Variants in TMEM185B observed in about 807,000 individuals in gnomAD.
TMEM185B encodes the protein ee3_2.
TMEM185B carries 9 observed loss-of-function variants against 26.2 expected under a neutral mutation model. That is an observed-to-expected ratio of 0.34 (90% CI 0.21 to 0.60). The LOEUF (loss-of-function observed/expected upper bound fraction) is 0.60, where lower values mean the gene tolerates loss of function less well. Ranked by LOEUF, TMEM185B falls within the 20% of genes least tolerant of loss-of-function variation. TMEM185B has a pLI of 0.80. For missense variants in TMEM185B, 392 were observed against 447.9 expected (o/e 0.88, Z 1.13); for synonymous variants, 204 against 191.8 (o/e 1.06, Z -0.52).
In TMEM185B at chr2:120,217,815, C is replaced by G. The variant is rs1490163905; in HGVS notation, c.*4109G>C. On this transcript the variant is annotated 3_prime_UTR_variant, in exon 1 of 1. Coordinates refer to ENST00000426077, the MANE Select transcript of TMEM185B (RefSeq NM_024121.3). ...CGACTTTAACCCATACATTCTAGAACAGAGAGAGCCATGACCAAACCAGAG... is the reference window on the plus strand; with the variant it reads ...CGACTTTAACCCATACATTCTAGAAGAGAGAGAGCCATGACCAAACCAGAG... Among the ~76,000 whole-genome samples, 1 of 152,222 alleles carries G rather than the reference C, an allele frequency of 6.6e-6. No individual in the cohort carries two copies.
Position 120,221,955 on chromosome 2 carries a change from G to T in TMEM185B, c.1022C>A (p.Pro341His), listed in dbSNP as rs1458965884. Residue 341 changes from proline (P) to histidine (H), a missense_variant, in exon 1 of 1, where the codon CCT (proline) becomes CAT (histidine). Around this residue, in one of 3 missense-constraint regions of TMEM185B, gnomAD observed 176 missense variants for 201.6 expected, o/e 0.87. Transcript: ENST00000426077. ...TQSPGKYVPP[P>H]PKLNIDMPD The stretch of plus-strand genomic sequence containing the variant: ...TGGCATATCAATATTTAACTTGGGA[G>T]GGGGGGGAACGTATTTCCCAGGGCT... 91 of 1,531,318 alleles carry T rather than the reference G, an allele frequency of 5.9e-5. No individual in the cohort carries two copies. Among genetic ancestry groups the T allele is most frequent in the Non-Finnish European group, 7.9e-5 (90 of 1,144,704 alleles). The allele number at this position is 1,531,318 out of a possible 1,614,324, so 94.9% of individuals were successfully genotyped here.
rs1688529692 is a variant in TMEM185B at position 120,218,019 on chromosome 2, T to C, written c.*3905A>G. Among the ~76,000 whole-genome samples, 2 of 152,196 alleles carry C rather than the reference T, an allele frequency of 1.3e-5. No individual in the cohort carries two copies. Among genetic ancestry groups the C allele is most frequent in the Non-Finnish European group, 2.9e-5 (2 of 68,036 alleles). ...TTTCTGAGGTGCGCGCATGGGAAGA[T>C]GGGGGTGCATCAGATAGCCAAGGAA... is the stretch of plus-strand genomic sequence containing the variant. On this transcript the variant is annotated 3_prime_UTR_variant, in exon 1 of 1. Transcript: ENST00000426077.
rs1463859263 is a variant in TMEM185B at position 120,219,233 on chromosome 2, A to C, written c.*2691T>G. Among the ~76,000 whole-genome samples the C allele has an allele frequency of 6.6e-6, 1 of 152,178 alleles. No individual in the cohort carries two copies. Among genetic ancestry groups the C allele is most frequent in the African/African-American group, 2.4e-5 (1 of 41,440 alleles). ...CAAAAGCTGACTGATACATCACAGG[A>C]GAAATAGTTACAGAATCTGACACAT... On this transcript the variant is annotated 3_prime_UTR_variant, in exon 1 of 1. Transcript: ENST00000426077.
In TMEM185B at chr2:120,222,129, A is replaced by G; in HGVS notation, c.848T>C (p.Leu283Pro). ...GIRRDFCQFL[L>P]EIFPFLREYG... ...TTCTCTTAAAAATGGGAAAATTTCA[A>G]GCAGAAACTGACAGAAGTCTCTGCG... is the stretch of plus-strand genomic sequence containing the variant. Residue 283 changes from leucine to proline, a missense_variant, in exon 1 of 1, where the codon CTT becomes CCT. Leu to Pro is a moderately conservative substitution (Grantham distance 98). Transcript: ENST00000426077. 1 of 1,564,204 alleles carries G rather than the reference A, an allele frequency of 6.4e-7. No individual in the cohort carries two copies. Among genetic ancestry groups the G allele is most frequent in the Non-Finnish European group, 8.7e-7 (1 of 1,155,234 alleles).
At position 120,223,192 on chromosome 2, in the gene TMEM185B, G is replaced by C. The variant is rs1284767598; in HGVS notation, c.-216C>G. 2 of 353,414 alleles carry C rather than the reference G, an allele frequency of 5.7e-6. No individual in the cohort carries two copies. Among genetic ancestry groups the C allele is most frequent in the Non-Finnish European group, 1.0e-5 (2 of 199,116 alleles). 21.9% of individuals were successfully genotyped at this position (353,414 alleles called of 1,614,324 possible). A position where few individuals can be genotyped will look rare whatever the true frequency, so the allele number is the denominator to read the frequency against. Reference sequence around the variant, plus strand: ...CGTGGCCCGGCCGGAAGCGCGCTGGGGTGTGGCGCGCGCGGGCACGGGCGG... The same window carrying C: ...CGTGGCCCGGCCGGAAGCGCGCTGGCGTGTGGCGCGCGCGGGCACGGGCGG... On this transcript the variant is annotated 5_prime_UTR_variant, in exon 1 of 1. Coordinates refer to ENST00000426077, the MANE Select transcript of TMEM185B (RefSeq NM_024121.3).
In TMEM185B at chr2:120,220,302, T is replaced by C. The variant is rs1252106986; in HGVS notation, c.*1622A>G. 6.6e-6 allele frequency among the ~76,000 whole-genome samples: 1 copy of C among 152,238 alleles called. No individual in the cohort carries two copies. The highest frequency in any genetic ancestry group is 2.4e-5 in the African/African-American group (1 of 41,462). Reference sequence around the variant, plus strand: ...AATAAGAAAAGTGGACTCCATTCAGTCTTCTCTGCAGTAATAACACCTACA... The same window carrying C: ...AATAAGAAAAGTGGACTCCATTCAGCCTTCTCTGCAGTAATAACACCTACA... On this transcript the variant is annotated 3_prime_UTR_variant, in exon 1 of 1. Transcript: ENST00000426077.
rs1688584259 is a variant in TMEM185B at position 120,221,401 on chromosome 2, T to C, written c.*523A>G. ...GCATGGGTTCATTCCATTAGAAAAA[T>C]TCACCTATCAGAATATTAAAGACCA... On this transcript the variant is annotated 3_prime_UTR_variant, in exon 1 of 1. Transcript: ENST00000426077. 1 of 152,912 alleles carries C rather than the reference T, an allele frequency of 6.5e-6. No homozygotes were observed. Among genetic ancestry groups the C allele is most frequent in the Non-Finnish European group, 1.5e-5 (1 of 68,660 alleles). The allele number at this position is 152,912 out of a possible 1,614,324, so 9.5% of individuals were successfully genotyped here. A position where few individuals can be genotyped will look rare whatever the true frequency, so the allele number is the denominator to read the frequency against.
chr2:120,220,570 A>C lies in TMEM185B; in HGVS notation c.*1354T>G, dbSNP rs1485369164. On this transcript the variant is annotated 3_prime_UTR_variant, in exon 1 of 1. Transcript: ENST00000426077. ...ACATGGAGAAACCCTGTCTCTATTA[A>C]AAATACGAAATTAGCCAGGCGTGGT... 6.6e-6 allele frequency among the ~76,000 whole-genome samples: 1 copy of C among 152,158 alleles called. No individual in the cohort carries two copies. The highest frequency in any genetic ancestry group is 1.5e-5 in the Non-Finnish European group (1 of 68,040).
In TMEM185B at chr2:120,219,867, C is replaced by T. The variant is rs1688557406; in HGVS notation, c.*2057G>A. Among the ~76,000 whole-genome samples, 1 of 152,258 alleles carries T rather than the reference C, an allele frequency of 6.6e-6. No individual in the cohort carries two copies. The highest frequency in any genetic ancestry group is 2.4e-5 in the African/African-American group (1 of 41,472). Reference sequence around the variant, plus strand: ...GGGCAGGGCTGTTTGCTCTCCACTGCATCCCCACTGCCTGGCACCATGCTT... The same window carrying T: ...GGGCAGGGCTGTTTGCTCTCCACTGTATCCCCACTGCCTGGCACCATGCTT... On this transcript the variant is annotated 3_prime_UTR_variant, in exon 1 of 1. Transcript: ENST00000426077.
chr2:120,223,296 A>C lies in TMEM185B; in HGVS notation c.-320T>G. The C allele has an allele frequency of 3.5e-5, 7 of 197,578 alleles. No individual in the cohort carries two copies. The highest frequency in any genetic ancestry group is 6.1e-5 in the Non-Finnish European group (6 of 98,094). The allele number at this position is 197,578 out of a possible 1,614,324, so 12.2% of individuals were successfully genotyped here. ...TCCGTACCCATCAAGAAGGCACCTA[A>C]TGCGTGTGGGGCCCGAAGGGGCCTG... On this transcript the variant is annotated 5_prime_UTR_variant, in exon 1 of 1. Coordinates refer to ENST00000426077, the MANE Select transcript of TMEM185B (RefSeq NM_024121.3).
Position 120,221,966 on chromosome 2 carries a change from G to A in TMEM185B, c.1011C>T (p.Tyr337=). ...TATTTAACTTGGGAGGGGGGGGAAC[G>A]TATTTCCCAGGGCTCTGGGTTATAA... ...RVVITQSPGK[Y]VPPPPKLNID... The change falls in exon 1 of 1, where the codon TAC becomes TAT. Residue 337 remains tyrosine (Y), a synonymous_variant. Transcript: ENST00000426077. 9 of 1,534,896 alleles carry A rather than the reference G, an allele frequency of 5.9e-6. No homozygotes were observed. Among genetic ancestry groups the A allele is most frequent in the Non-Finnish European group, 7.9e-6 (9 of 1,146,422 alleles).
Position 120,222,918 on chromosome 2 carries a change from C to A in TMEM185B, c.59G>T (p.Cys20Phe). The change falls in exon 1 of 1, where the codon TGC becomes TTC. Residue 20 changes from cysteine to phenylalanine, a missense_variant. Physicochemically the swap from Cys to Phe is radical, Grantham distance 205 (BLOSUM62 -2). This residue lies in a region of TMEM185B where 175 missense variants were observed against 169.1 expected (regional missense o/e 1.03). Transcript: ENST00000426077. Reference protein sequence around the residue: ...FNPSKFLIYTCLLLFSVLLPL... With the variant: ...FNPSKFLIYTFLLLFSVLLPL... The stretch of plus-strand genomic sequence containing the variant: ...CAGCAGCACCGAGAAGAGCAGCAGG[C>A]AGGTGTAGATGAGAAACTTACTGGG... 1 of 1,453,040 alleles carries A rather than the reference C, an allele frequency of 6.9e-7. No homozygotes were observed. The highest frequency in any genetic ancestry group is 9.0e-7 in the Non-Finnish European group (1 of 1,110,526). The allele number at this position is 1,453,040 out of a possible 1,614,324, so 90.0% of individuals were successfully genotyped here.
rs763140347 is a variant in TMEM185B, at chr2:120,222,392, C to A, written c.585G>T (p.Leu195=). The change falls in exon 1 of 1, where the codon CTG becomes CTT. Residue 195 remains leucine (L), a synonymous_variant. Transcript: ENST00000426077. ...VVLYYIVWSL[L]FLRSLDVVAE... is the part of the protein sequence containing the mutation. ...CAACCACATCCAGGGACCGCAGGAA[C>A]AGGAGGGACCAGACGATGTAATAGA... 18 of 1,536,086 alleles carry A rather than the reference C, an allele frequency of 1.2e-5. No individual in the cohort carries two copies. In the South Asian group the frequency reaches 2.1e-4, roughly 18 times the overall value.
In TMEM185B at chr2:120,220,266, A is replaced by G. The variant is rs1414579229; in HGVS notation, c.*1658T>C. Among the ~76,000 whole-genome samples the G allele has an allele frequency of 2.0e-5, 3 of 152,268 alleles. No individual in the cohort carries two copies. In the East Asian group the frequency reaches 5.8e-4, roughly 29 times the overall value. On this transcript the variant is annotated 3_prime_UTR_variant, in exon 1 of 1. Coordinates refer to ENST00000426077, the MANE Select transcript of TMEM185B (RefSeq NM_024121.3). ...GTGGAGCCCATTTGAGATCATTTTTAGTAAGTTACTAATAAGAAAAGTGGA... is the reference window on the plus strand; with the variant it reads ...GTGGAGCCCATTTGAGATCATTTTTGGTAAGTTACTAATAAGAAAAGTGGA...
rs1286895341 is a variant in TMEM185B at position 120,222,747 on chromosome 2, G to C, written c.230C>G (p.Ala77Gly). 10 of 1,536,348 alleles carry C rather than the reference G, an allele frequency of 6.5e-6. No individual in the cohort carries two copies. The highest frequency in any genetic ancestry group is 7.8e-6 in the Non-Finnish European group (9 of 1,146,992). ...CAGCATGGCTTTGAACTCCACACAGGCCTCTCCCTCGGTGCGGTAGCGAGG... is the reference window on the plus strand; with the variant it reads ...CAGCATGGCTTTGAACTCCACACAGCCCTCTCCCTCGGTGCGGTAGCGAGG... ...RNPRYRTEGE[A>G]CVEFKAMLIA... Residue 77 changes from alanine to glycine, a missense_variant, in exon 1 of 1, where the codon GCC (alanine) becomes GGC (glycine). Around this residue, in one of 3 missense-constraint regions of TMEM185B, gnomAD observed 175 missense variants for 169.1 expected, o/e 1.03. Coordinates refer to ENST00000426077, the MANE Select transcript of TMEM185B (RefSeq NM_024121.3).
In TMEM185B at chr2:120,223,252, C is replaced by T. The variant is rs1688627963; in HGVS notation, c.-276G>A. 3.8e-6 allele frequency: 1 copy of T among 262,040 alleles called. No individual in the cohort carries two copies. Among genetic ancestry groups the T allele is most frequent in the Non-Finnish European group, 7.2e-6 (1 of 139,222 alleles). The allele number at this position is 262,040 out of a possible 1,614,324, so 16.2% of individuals were successfully genotyped here. On this transcript the variant is annotated 5_prime_UTR_variant, in exon 1 of 1. Coordinates refer to ENST00000426077, the MANE Select transcript of TMEM185B (RefSeq NM_024121.3). ...TACAAACTGGGCGCTGCCTCGGTCC[C>T]GCCGCCGCCCGCGTTCACTCCGTAC...
Position 120,222,492 on chromosome 2 carries a change from C to T in TMEM185B, c.485G>A (p.Arg162Lys). The T allele has an allele frequency of 1.3e-6, 2 of 1,536,288 alleles. No homozygotes were observed. Among genetic ancestry groups the T allele is most frequent in the Non-Finnish European group, 1.7e-6 (2 of 1,146,944 alleles). Residue 162 changes from arginine to lysine, a missense_variant, in exon 1 of 1, where the codon AGG becomes AAG. Around this residue, in one of 3 missense-constraint regions of TMEM185B, gnomAD observed 41 missense variants for 77.3 expected, o/e 0.53. Coordinates refer to ENST00000426077, the MANE Select transcript of TMEM185B (RefSeq NM_024121.3). The stretch of plus-strand genomic sequence containing the variant: ...CACCAGCCACGGCCAGTGAATAATC[C>T]TGTCCAGCTTTAGGGCGATGAAGAT... ...QFIFIALKLD[R>K]IIHWPWLVVF...
In TMEM185B at chr2:120,220,341, C is replaced by A. The variant is rs1574830556; in HGVS notation, c.*1583G>T. 6.6e-6 allele frequency among the ~76,000 whole-genome samples: 1 copy of A among 152,076 alleles called. No individual in the cohort carries two copies. The highest frequency in any genetic ancestry group is 2.4e-5 in the African/African-American group (1 of 41,408). On this transcript the variant is annotated 3_prime_UTR_variant, in exon 1 of 1. Coordinates refer to ENST00000426077, the MANE Select transcript of TMEM185B (RefSeq NM_024121.3). ...ATAACACCTACACTCCTTTTTGTTT[C>A]GACCTCCTTTCGAAAGTATTTATTT... is the stretch of plus-strand genomic sequence containing the variant.
rs1324064503 is a variant in TMEM185B, at chr2:120,217,504, C to T, written c.*4420G>A. Among the ~76,000 whole-genome samples the T allele has an allele frequency of 6.6e-6, 1 of 152,170 alleles. No individual in the cohort carries two copies. Among genetic ancestry groups the T allele is most frequent in the East Asian group, 1.9e-4 (1 of 5,204 alleles). On this transcript the variant is annotated 3_prime_UTR_variant, in exon 1 of 1. Transcript: ENST00000426077. ...TAACTCTGAAAAACATTTATTCATC[C>T]ATTTGAAGACTATACATCCATTACA... is the stretch of plus-strand genomic sequence containing the variant.
Sources: gnomAD v4.1 joint callset for allele counts (sites outside exome capture counted in the v4.1 genomes callset) on GRCh38, gnomAD v4.1.1 for gene constraint, gnomAD v4.1.1 regional missense constraint, MANE v1.5 for transcripts, NCBI Gene and HGNC (gene_info 2026-07-23, HGNC 2026-07-21) for gene names.